The following GPR180 variants were observed in gnomAD, a reference collection of about 807,000 sequenced individuals.
GPR180 encodes the protein G protein-coupled receptor 180.
Under a neutral mutation model 52.6 loss-of-function variants are expected in GPR180, and 53 were observed. That is an observed-to-expected ratio of 1.01 (90% CI 0.81 to 1.27). GPR180 has a LOEUF of 1.27. Among genes scored for constraint, GPR180 ranks in the 50% most tolerant of loss-of-function variants. The pLI is 0.00. For missense variants in GPR180, 533 were observed against 527.0 expected, an observed-to-expected ratio of 1.01 and a Z score of -0.11; for synonymous variants, 200 against 193.1, an observed-to-expected ratio of 1.04 and a Z score of -0.30.
In GPR180 at chr13:94,619,160, G is replaced by A. The variant is rs1220463010; in HGVS notation, c.516G>A (p.Glu172=). 1.2e-6 allele frequency: 2 copies of A among 1,613,524 alleles called. No homozygotes were observed. The highest frequency in any genetic ancestry group is 1.3e-5 in the African/African-American group (1 of 74,896). ...HFSAGESGLH[E]FFFLLVLVYF... ...TTCTTCTCTTCACAGGGTTACATGA[G>A]TTCTTTTTCCTCCTAGTCCTAGTGT... Residue 172 remains glutamate, a synonymous_variant, in exon 4 of 9, where the codon GAG becomes GAA. Coordinates refer to ENST00000376958, the MANE Select transcript of GPR180 (RefSeq NM_180989.6).
chr13:94,629,688 C>T lies in GPR180; in HGVS notation c.*2517C>T, dbSNP rs971027956. The stretch of plus-strand genomic sequence containing the variant: ...ATTAAAACTGGAATTGTGCTAAAAT[C>T]AGAACATGCGCTTGAATATCTGTAA... On this transcript the variant is annotated 3_prime_UTR_variant, in exon 9 of 9. Coordinates refer to ENST00000376958, the MANE Select transcript of GPR180 (RefSeq NM_180989.6). 2 of 152,196 alleles carry T rather than the reference C, an allele frequency of 1.3e-5. No individual in the cohort carries two copies. Among genetic ancestry groups the T allele is most frequent in the African/African-American group, 4.8e-5 (2 of 41,458 alleles). 9.4% of individuals were successfully genotyped at this position (152,196 alleles called of 1,614,324 possible).
intron 1 of GPR180, among the ~76,000 whole-genome samples, chr13:94,602,654 A>G (rs1257144369): frequency 1.3e-5 from 2 of 152,140 alleles, no homozygotes; most frequent in East Asian, 1.9e-4. Flanking sequence ...AATTAAGCTG[A>G]TGAAAATGCA....
rs761780340 is a variant in GPR180 at position 94,627,189 on chromosome 13, G to A, written c.*18G>A. On this transcript the variant is annotated 3_prime_UTR_variant, in exon 9 of 9. Transcript: ENST00000376958. ...ATTTCTGATACTTGATTTTTGTTGA[G>A]AGGAAAAGTGAATTGGTTAAAAGAG... The A allele has an allele frequency of 2.8e-5, 45 of 1,608,066 alleles. 1 individual carries two copies. Among genetic ancestry groups the A allele is most frequent in the Non-Finnish European group, 3.1e-5 (37 of 1,176,738 alleles).
At chr13:94,621,014 C>A (rs2138566861) in intron 5 of GPR180, 64 bp from the exon 6 acceptor site, 2 of 1,423,986 alleles carry the variant, frequency 1.4e-6, no homozygotes, top group Non-Finnish European at 9.4e-7. Flanking sequence ...GTTCTCAATG[C>A]AAAAAGCACT....
chr13:94,626,432 A>G (rs1463042192), intron 8 of GPR180, among the ~76,000 whole-genome samples: 1 of 152,182 alleles, frequency 6.6e-6, no homozygotes, highest in Non-Finnish European at 1.5e-5. Flanking sequence ...ATGCTCAAGT[A>G]TGATGCATTT....
chr13:94,608,531 T>C (rs1046488317), intron 2 of GPR180, among the ~76,000 whole-genome samples: 5 of 152,224 alleles, frequency 3.3e-5, no homozygotes, highest in African/African-American at 1.2e-4. Context: ...GATTTCTACA[T>C]ATATGTACTT....
At chr13:94,608,411 G>C (rs1209082681) in intron 2 of GPR180, among the ~76,000 whole-genome samples, 2 of 152,134 alleles carry the variant, frequency 1.3e-5, no homozygotes, top group East Asian at 1.9e-4. Flanking sequence ...GTTCTGTTAA[G>C]TGCAGAGGTA....
chr13:94,626,931 G>A (rs1889935942), intron 8 of GPR180, 82 bp from the exon 9 acceptor site: 1 of 1,046,582 alleles, frequency 9.6e-7, no homozygotes, highest in Admixed American at 2.6e-5. Context: ...TATATAAAAA[G>A]CATATATAGA....
rs769349157 is a variant in GPR180, at chr13:94,621,248, A to C, written c.894+13A>C. 5 of 1,561,670 alleles carry C rather than the reference A, an allele frequency of 3.2e-6. No homozygotes were observed. In the East Asian group the frequency reaches 1.2e-4, roughly 37 times the overall value. The stretch of plus-strand genomic sequence containing the variant: ...TGTCATGACACAGGTGGGTATTGAT[A>C]CTCAGTGTTTCTGCTTAGTAATCCT... On this transcript the variant is annotated intron_variant, in intron 6 of 8. Coordinates refer to ENST00000376958, the MANE Select transcript of GPR180 (RefSeq NM_180989.6).
rs985680300 is a variant in GPR180, at chr13:94,629,630, C to T, written c.*2459C>T. 1 of 152,170 alleles carries T rather than the reference C, an allele frequency of 6.6e-6. No individual in the cohort carries two copies. Among genetic ancestry groups the T allele is most frequent in the Non-Finnish European group, 1.5e-5 (1 of 68,022 alleles). The allele number at this position is 152,170 out of a possible 1,614,324, so 9.4% of individuals were successfully genotyped here. On this transcript the variant is annotated 3_prime_UTR_variant, in exon 9 of 9. Transcript: ENST00000376958. ...GCTGTGTTTTAGTGAGAATGAATTG[C>T]TATCCATCATAATTTTTGCTGTTGA...
chr13:94,613,195 T>A (rs1456802426), intron 3 of GPR180, among the ~76,000 whole-genome samples: 3 of 151,996 alleles, frequency 2.0e-5, no homozygotes, highest in African/African-American at 7.2e-5. Context: ...TTTGAAAGAG[T>A]CAATCTGCTT....
intron 3 of GPR180, among the ~76,000 whole-genome samples, chr13:94,613,954 C>G (rs1215011904): frequency 6.6e-6 from 1 of 151,814 alleles, no homozygotes; most frequent in Non-Finnish European, 1.5e-5. Flanking sequence ...TCTCGGCCCA[C>G]CGCAACCTCT....
At position 94,627,121 on chromosome 13, in the gene GPR180, A is replaced by G; in HGVS notation, c.1273A>G (p.Thr425Ala). The change falls in exon 9 of 9, where the codon ACA becomes GCA. Residue 425 changes from threonine to alanine, a missense_variant. Coordinates refer to ENST00000376958, the MANE Select transcript of GPR180 (RefSeq NM_180989.6). The part of the protein sequence containing the change: ...YWEVSSLSSV[T>A]LPLTISSGHK... ...GGAAGTTTCTTCACTTTCTTCAGTA[A>G]CACTACCACTGACCATATCATCTGG... The G allele has an allele frequency of 1.2e-6, 2 of 1,613,160 alleles. No individual in the cohort carries two copies. Among genetic ancestry groups the G allele is most frequent in the Non-Finnish European group, 1.7e-6 (2 of 1,179,508 alleles).
chr13:94,623,096 T>C lies in GPR180; in HGVS notation c.895-13T>C. ...TTTTTTTTCCTAAATGTAATATTGT[T>C]TTTCTTTTGCAGAGTGTTTTGCTAC... On this transcript the variant is annotated splice_polypyrimidine_tract_variant and intron_variant, in intron 6 of 8. Coordinates refer to ENST00000376958, the MANE Select transcript of GPR180 (RefSeq NM_180989.6). The C allele has an allele frequency of 6.3e-7, 1 of 1,594,456 alleles. No individual in the cohort carries two copies. The highest frequency in any genetic ancestry group is 8.6e-7 in the Non-Finnish European group (1 of 1,169,156).
At chr13:94,626,132 T>TGTCTTAATTGGGAGAATA in intron 8 of GPR180, 89 bp downstream of exon 8, 1 of 785,124 alleles carries the variant, frequency 1.3e-6, no homozygotes, top group Non-Finnish European at 2.0e-6. Flanking sequence ...CCTATTTATT[T>TGTCTTAATTGGGAGAATA]TTTAAGACAT....
chr13:94,610,813 C>T (rs1889692891), intron 2 of GPR180, among the ~76,000 whole-genome samples: 1 of 152,214 alleles, frequency 6.6e-6, no homozygotes, highest in South Asian at 2.1e-4. Context: ...AACACAGCCC[C>T]CCTCCAAGTA....
chr13:94,607,031 A>G (rs911571281), intron 2 of GPR180, among the ~76,000 whole-genome samples: 3 of 152,292 alleles, frequency 2.0e-5, no homozygotes, highest in South Asian at 4.1e-4. Flanking sequence ...TGAACTCACC[A>G]TCTTCCCCAT....
Position 94,632,345 on chromosome 13 carries a change from T to C in GPR180, c.*5174T>C, listed in dbSNP as rs1890009693. The C allele has an allele frequency of 7.0e-6, 1 of 143,712 alleles. No individual in the cohort carries two copies. Among genetic ancestry groups the C allele is most frequent in the Non-Finnish European group, 1.5e-5 (1 of 67,972 alleles). 8.9% of individuals were successfully genotyped at this position (143,712 alleles called of 1,614,324 possible). ...AATCCAAACTCTGTTACCAGTTATC[T>C]TTCTAGAAATGGCCCCATGCACATA... is the stretch of plus-strand genomic sequence containing the variant. On this transcript the variant is annotated 3_prime_UTR_variant, in exon 9 of 9. Coordinates refer to ENST00000376958, the MANE Select transcript of GPR180 (RefSeq NM_180989.6).
At chr13:94,602,138 C>A in intron 1 of GPR180, 66 bp downstream of exon 1, 1 of 1,243,430 alleles carries the variant, frequency 8.0e-7, no homozygotes, top group Non-Finnish European at 1.0e-6. Flanking sequence ...AGTCCGCCGG[C>A]CGCTCCTCCC....
Sources: gnomAD v4.1 joint callset for allele counts (sites outside exome capture counted in the v4.1 genomes callset) on GRCh38, gnomAD v4.1.1 for gene constraint, MANE v1.5 for transcripts, NCBI Gene and HGNC (gene_info 2026-07-23, HGNC 2026-07-21) for gene names.